CFAP46: variants seen among roughly 807,000 people sequenced by gnomAD.
CFAP46 encodes the protein cilia- and flagella-associated protein 46.
Under a neutral mutation model 325.7 loss-of-function variants are expected in CFAP46, and 245 were observed. The ratio of observed to expected loss-of-function variants is 0.75; its 90% CI spans 0.68 to 0.84. CFAP46 has a LOEUF of 0.84. Among genes scored for constraint, CFAP46 ranks in the 40% least tolerant of loss-of-function variants. The pLI is 0.00. For missense variants in CFAP46, 3,346 were observed against 3,543.0 expected, an observed-to-expected ratio of 0.94 and a Z score of 1.41; for synonymous variants, 1,523 against 1,495.9, an observed-to-expected ratio of 1.02 and a Z score of -0.42.
At chr10:132,838,117 C>A (rs763734984) in intron 44 of CFAP46, among the ~76,000 whole-genome samples, 5 of 152,234 alleles carry the variant, frequency 3.3e-5, no homozygotes, top group Non-Finnish European at 7.3e-5. Context: ...GCAGCAGCTC[C>A]GGCCCGTCCG....
At chr10:132,885,617 AG>A (rs1218870105) in intron 26 of CFAP46, among the ~76,000 whole-genome samples, 1 of 95,648 alleles carries the variant, frequency 1.0e-5, no homozygotes, top group Non-Finnish European at 2.0e-5. Context: ...AGCAGCAGGC[AG>A]GTGCTCACAG....
In CFAP46 at chr10:132,919,356, A is replaced by G; in HGVS notation, c.1817T>C (p.Leu606Pro). ...VCRTASRFCL[L>P]YDNVKVKKLR... is the part of the protein sequence containing the mutation. Reference sequence around the variant, plus strand: ...CTTCTTCACCTTGACGTTGTCATACAGGAGGCAGAAGCGGCTCGCCGTCCG... The same window carrying G: ...CTTCTTCACCTTGACGTTGTCATACGGGAGGCAGAAGCGGCTCGCCGTCCG... The change falls in exon 15 of 58, where the codon CTG (leucine) becomes CCG (proline). Residue 606 changes from leucine to proline, a missense_variant. Leu to Pro is a moderately conservative substitution (Grantham distance 98). Coordinates refer to ENST00000368586, the MANE Select transcript of CFAP46 (RefSeq NM_001200049.3). This position sits in a 1 kb window ranked among gnomAD's most constrained non-coding sequence, Gnocchi z 9.7. 6.5e-7 allele frequency: 1 copy of G among 1,550,198 alleles called. No homozygotes were observed. The highest frequency in any genetic ancestry group is 8.7e-7 in the Non-Finnish European group (1 of 1,146,898).
chr10:132,918,645 T>C, intron 15 of CFAP46, 125 bp from the exon 16 acceptor site: 1 of 1,283,634 alleles, frequency 7.8e-7, no homozygotes, highest in South Asian at 1.9e-5. Flanking sequence ...TCCGCCAAGG[T>C]GGGCGGGTAG....
intron 44 of CFAP46, among the ~76,000 whole-genome samples, chr10:132,844,457 C>T (rs940546391): frequency 3.3e-5 from 5 of 152,162 alleles, no homozygotes; most frequent in African/African-American, 9.7e-5. Flanking sequence ...CTCTGCCATT[C>T]GCCAGCCTTT....
Position 132,808,703 on chromosome 10 carries a change from G to A in CFAP46, c.7866C>T (p.His2622=), listed in dbSNP as rs1847515016. 2 of 1,569,258 alleles carry A rather than the reference G, an allele frequency of 1.3e-6. No individual in the cohort carries two copies. Among genetic ancestry groups the A allele is most frequent in the Non-Finnish European group, 1.7e-6 (2 of 1,157,348 alleles). ...GGGAGCTGGGGATGGGAGCCGGGAG[G>A]TGGGGATGGGTTGGCAGAGGGGCAG... is the stretch of plus-strand genomic sequence containing the variant. ...LGSAPLPTHP[H]LPAPIPSSQL... Residue 2622 remains histidine, a synonymous_variant, in exon 58 of 58, where the codon CAC becomes CAT. Coordinates refer to ENST00000368586, the MANE Select transcript of CFAP46 (RefSeq NM_001200049.3). The surrounding 1 kb of genome is among the most constrained non-coding windows in gnomAD (Gnocchi z 6.8).
At position 132,913,220 on chromosome 10, in the gene CFAP46, T is replaced by C; in HGVS notation, c.2159A>G (p.Asn720Ser). ...TCCGATCTCTGCGGAGCGCAGCCAG[T>C]TATTCATGGCACACCGGGACAGACT... ...IESLSRCAMN[N>S]WLRSAEIGQE... Residue 720 changes from asparagine (N) to serine (S), a missense_variant, in exon 18 of 58, where the codon AAC becomes AGC. Physicochemically the swap from Asn to Ser is conservative, Grantham distance 46. Coordinates refer to ENST00000368586, the MANE Select transcript of CFAP46 (RefSeq NM_001200049.3). 1 of 1,550,458 alleles carries C rather than the reference T, an allele frequency of 6.4e-7. No homozygotes were observed. The highest frequency in any genetic ancestry group is 2.4e-5 in the East Asian group (1 of 40,912).
At chr10:132,926,810 A>T (rs1459568071) in intron 9 of CFAP46, 144 bp from the exon 10 acceptor site, 1 of 680,936 alleles carries the variant, frequency 1.5e-6, no homozygotes, top group East Asian at 2.7e-5. Flanking sequence ...GACACCTATG[A>T]CGCAGAGGTT....
chr10:132,829,219 T>C (rs1188361619), intron 50 of CFAP46, among the ~76,000 whole-genome samples: 1 of 152,310 alleles, frequency 6.6e-6, no homozygotes, highest in East Asian at 1.9e-4. Context: ...CTCCATTTGT[T>C]GAGTTCTTTA....
At chr10:132,912,871 C>CG in intron 18 of CFAP46, 51 bp from the exon 19 acceptor site, 5 of 1,537,742 alleles carry the variant, frequency 3.3e-6, no homozygotes, top group Non-Finnish European at 4.4e-6. Flanking sequence ...GGCCTCGCCC[C>CG]GATCCCATGT....
At chr10:132,900,033 C>T (rs1220407227) in intron 22 of CFAP46, among the ~76,000 whole-genome samples, 1 of 152,208 alleles carries the variant, frequency 6.6e-6, no homozygotes, top group East Asian at 1.9e-4. Flanking sequence ...AAGACTGTCA[C>T]CCCAGCTGAC....
intron 8 of CFAP46, among the ~76,000 whole-genome samples, chr10:132,932,461 C>T (rs1234681421): frequency 6.6e-6 from 1 of 152,062 alleles, no homozygotes; most frequent in Non-Finnish European, 1.5e-5. Flanking sequence ...CCACACTCCT[C>T]ACACAGAGCC....
chr10:132,901,570 C>T (rs1849392427), intron 22 of CFAP46, among the ~76,000 whole-genome samples: 1 of 152,198 alleles, frequency 6.6e-6, no homozygotes, highest in African/African-American at 2.4e-5. Context: ...TCTCAGCCCG[C>T]CCTGTGTGTT....
intron 2 of CFAP46, 88 bp downstream of exon 2, chr10:132,941,892 C>T: frequency 6.6e-7 from 1 of 1,523,894 alleles, no homozygotes; most frequent in Non-Finnish European, 8.8e-7. Flanking sequence ...TGCCTCTCCC[C>T]AGCCCCACTC....
In CFAP46 at chr10:132,886,473, C is replaced by A. The variant is rs939152295; in HGVS notation, c.3305-514G>T. ...AAGGTGCCTGCCTTCAGGGCACACA[C>A]AAAAATCGCCTGCCTGCCGGGAGGT... is the stretch of plus-strand genomic sequence containing the variant. On this transcript the variant is annotated intron_variant, in intron 25 of 57. Transcript: ENST00000368586. This position sits in a 1 kb window ranked among gnomAD's most constrained non-coding sequence, Gnocchi z 5.8. Among the ~76,000 whole-genome samples, 2 of 152,190 alleles carry A rather than the reference C, an allele frequency of 1.3e-5. No individual in the cohort carries two copies. The highest frequency in any genetic ancestry group is 2.9e-5 in the Non-Finnish European group (2 of 68,020).
chr10:132,913,842 C>T (rs1039744244), intron 17 of CFAP46, among the ~76,000 whole-genome samples: 1 of 152,016 alleles, frequency 6.6e-6, no homozygotes, highest in East Asian at 1.9e-4. Flanking sequence ...TCCACCCAGC[C>T]CCCCGCCGGC....
rs1847713995 is a variant in CFAP46, at chr10:132,817,303, T to C, written c.7118-2389A>G. Reference sequence around the variant, plus strand: ...GCCCTCCGGGTTACTCTTAAATATTTACTCATTTTCCCTTCTCTTGGTTTA... The same window carrying C: ...GCCCTCCGGGTTACTCTTAAATATTCACTCATTTTCCCTTCTCTTGGTTTA... On this transcript the variant is annotated intron_variant, in intron 50 of 57. Coordinates refer to ENST00000368586, the MANE Select transcript of CFAP46 (RefSeq NM_001200049.3). The surrounding 1 kb of genome is among the most constrained non-coding windows in gnomAD (Gnocchi z 4.4). Among the ~76,000 whole-genome samples, 2 of 152,242 alleles carry C rather than the reference T, an allele frequency of 1.3e-5. No individual in the cohort carries two copies. The highest frequency in any genetic ancestry group is 4.1e-4 in the South Asian group (2 of 4,836).
chr10:132,942,541 C>T lies in CFAP46; in HGVS notation c.-57G>A. 1 of 1,239,190 alleles carries T rather than the reference C, an allele frequency of 8.1e-7. No individual in the cohort carries two copies. The highest frequency in any genetic ancestry group is 1.0e-6 in the Non-Finnish European group (1 of 987,892). The allele number at this position is 1,239,190 out of a possible 1,614,324, so 76.8% of individuals were successfully genotyped here. ...GGGGTCCGCGGTGCGTCCTGCCGCC[C>T]ACTGTCGGTTGGGTTCTCCAGCCGC... is the stretch of plus-strand genomic sequence containing the variant. On this transcript the variant is annotated 5_prime_UTR_variant, in exon 1 of 58. Coordinates refer to ENST00000368586, the MANE Select transcript of CFAP46 (RefSeq NM_001200049.3).
At chr10:132,940,926 C>A in intron 4 of CFAP46, 70 bp downstream of exon 4, 3 of 1,444,738 alleles carry the variant, frequency 2.1e-6, no homozygotes, top group Non-Finnish European at 2.9e-6. Flanking sequence ...TAAATACACC[C>A]ACTTGATAAG....
At chr10:132,854,938 G>C (rs1272969580) in intron 39 of CFAP46, among the ~76,000 whole-genome samples, 1 of 152,056 alleles carries the variant, frequency 6.6e-6, no homozygotes, top group African/African-American at 2.4e-5. Flanking sequence ...CTTGTTTTAT[G>C]GTCCAAAATA....
Sources: gnomAD v4.1 joint callset for allele counts (sites outside exome capture counted in the v4.1 genomes callset) on GRCh38, gnomAD v4.1.1 for gene constraint, Gnocchi (gnomAD v3.1) non-coding constraint, MANE v1.5 for transcripts, NCBI Gene and HGNC (gene_info 2026-07-23, HGNC 2026-07-21) for gene names.